CMSS1: variants seen among roughly 807,000 people sequenced by gnomAD.
The protein encoded by CMSS1 is cms1 ribosomal small subunit homolog.
A neutral mutation model predicts 43.5 loss-of-function variants in CMSS1; 33 were observed. That is an observed-to-expected ratio of 0.76 (90% confidence interval 0.57 to 1.01). The LOEUF (loss-of-function observed/expected upper bound fraction) is 1.01. Among genes scored for constraint, CMSS1 ranks in the 50% least tolerant of loss-of-function variants. CMSS1 has a pLI of 0.00. For synonymous variants in CMSS1, 115 were observed against 117.2 expected, an observed-to-expected ratio of 0.98 and a Z score of 0.12; for missense variants, 313 against 326.4, an observed-to-expected ratio of 0.96 and a Z score of 0.32.
chr3:100,024,714 C>A (rs1383802016), intron 1 of CMSS1, among the ~76,000 whole-genome samples: 1 of 152,166 alleles, frequency 6.6e-6, no homozygotes, highest in South Asian at 2.1e-4. Flanking sequence ...CATGTGTGGG[C>A]TCAGTCCTGG....
At position 99,850,024 on chromosome 3, in the gene CMSS1, G is replaced by A. The variant is rs769101256; in HGVS notation, c.64+31981G>A. 27 of 1,607,980 alleles carry A rather than the reference G, an allele frequency of 1.7e-5. No homozygotes were observed. In the Admixed American group the frequency reaches 3.6e-4, roughly 21 times the overall value. ...GCTGTACATCTTTTCTTCTACATCG[G>A]TTTTGGACTTGAGCGCCCTTTTAGT... On this transcript the variant is annotated intron_variant, in intron 1 of 9. Transcript: ENST00000421999.
At chr3:100,174,335 A>AT (rs2067132202) in intron 8 of CMSS1, among the ~76,000 whole-genome samples, 2 of 151,982 alleles carry the variant, frequency 1.3e-5, no homozygotes, top group South Asian at 4.1e-4. Flanking sequence ...TGGAATCCAG[A>AT]TTTTTTTGTG....
intron 6 of CMSS1, among the ~76,000 whole-genome samples, chr3:100,170,512 A>T (rs1375077384): frequency 6.6e-6 from 1 of 152,234 alleles, no homozygotes; most frequent in Non-Finnish European, 1.5e-5. Context: ...TCTGTTGGGA[A>T]ACATTATCAG....
intron 1 of CMSS1, among the ~76,000 whole-genome samples, chr3:100,056,877 G>T (rs182302727): frequency 1.1e-4 from 16 of 151,994 alleles, no homozygotes; most frequent in African/African-American, 3.9e-4. Context: ...GATGGCAGGC[G>T]CCTGTAGTCC....
chr3:99,883,413 C>A (rs1257065520), intron 1 of CMSS1, among the ~76,000 whole-genome samples: 2 of 152,188 alleles, frequency 1.3e-5, no homozygotes, highest in East Asian at 1.9e-4. Flanking sequence ...TCTTTTCACA[C>A]CCTGTGTCCA....
chr3:100,054,480 A>ATGTTATGTTT (rs1441683387), intron 1 of CMSS1, among the ~76,000 whole-genome samples: 1 of 140,186 alleles, frequency 7.1e-6, no homozygotes, highest in Non-Finnish European at 1.6e-5. Flanking sequence ...TCATTATATT[A>ATGTTATGTTT]TGTTATGTTT....
At chr3:99,931,808 A>G (rs1707490676) in intron 1 of CMSS1, among the ~76,000 whole-genome samples, 1 of 152,252 alleles carries the variant, frequency 6.6e-6, no homozygotes, top group African/African-American at 2.4e-5. Context: ...ACATCTGATT[A>G]TATAATCATC....
intron 1 of CMSS1, among the ~76,000 whole-genome samples, chr3:99,908,874 G>T (rs1038201849): frequency 2.0e-5 from 3 of 150,802 alleles, no homozygotes; most frequent in Admixed American, 6.6e-5. Flanking sequence ...AATTCCTATT[G>T]TGTGTGTGTG....
At position 99,859,051 on chromosome 3, in the gene CMSS1, A is replaced by G. The variant is rs1440902896; in HGVS notation, c.64+41008A>G. Among the ~76,000 whole-genome samples, 3 of 152,250 alleles carry G rather than the reference A, an allele frequency of 2.0e-5. No individual in the cohort carries two copies. The East Asian group carries it at 5.8e-4, about 29-fold the overall frequency. On this transcript the variant is annotated intron_variant, in intron 1 of 9. Transcript: ENST00000421999. ...TCAAATGTTCTCTCCCAGTCCACAG[A>G]AAAGTCCTAAATGACAAAACTGTTT...
At chr3:99,899,199 T>G (rs1706357071) in intron 1 of CMSS1, among the ~76,000 whole-genome samples, 1 of 152,242 alleles carries the variant, frequency 6.6e-6, no homozygotes, top group Non-Finnish European at 1.5e-5. Context: ...TTTCTGATGT[T>G]CGTTGATCTT....
Position 99,932,862 on chromosome 3 carries a change from C to A in CMSS1, c.64+114819C>A, listed in dbSNP as rs550825431. 1.1e-4 allele frequency among the ~76,000 whole-genome samples: 17 copies of A among 152,266 alleles called. No homozygotes were observed. The South Asian group carries it at 3.5e-3, about 32-fold the overall frequency. On this transcript the variant is annotated intron_variant, in intron 1 of 9. Transcript: ENST00000421999. Reference sequence around the variant, plus strand: ...GCCAAGATCGCGCCCGGCACTCCAGCCTGGGTGACAGAGTAAGACTCTGTC... The same window carrying A: ...GCCAAGATCGCGCCCGGCACTCCAGACTGGGTGACAGAGTAAGACTCTGTC...
chr3:99,980,262 TA>T (rs1469957236), intron 1 of CMSS1, among the ~76,000 whole-genome samples: 1 of 152,160 alleles, frequency 6.6e-6, no homozygotes, highest in African/African-American at 2.4e-5. Context: ...CTGGATCTAC[TA>T]ATCTTACCTC....
At chr3:99,927,297 G>A (rs1210376195) in intron 1 of CMSS1, among the ~76,000 whole-genome samples, 1 of 151,960 alleles carries the variant, frequency 6.6e-6, no homozygotes, top group East Asian at 1.9e-4. Context: ...ATTTGCCCTA[G>A]GTTATGCTAA....
At chr3:100,037,956 T>TTTTG (rs1491209575) in intron 1 of CMSS1, among the ~76,000 whole-genome samples, 1,775 of 86,814 alleles carry the variant, frequency 0.02, 36 homozygotes, top group East Asian at 0.14. Flanking sequence ...TTTTTTTTTT[T>TTTTG]GGGGGGGGAG....
rs549567934 is a variant in CMSS1, at chr3:100,002,089, G to A, written c.65-144884G>A. On this transcript the variant is annotated intron_variant, in intron 1 of 9. Coordinates refer to ENST00000421999, the MANE Select transcript of CMSS1 (RefSeq NM_032359.4). The stretch of plus-strand genomic sequence containing the variant: ...AGCTCTGGAAAAGCGCGGTGCCACT[G>A]CAAGTGGAAAACATGCCCAAAGCTC... Among the ~76,000 whole-genome samples the A allele has an allele frequency of 4.6e-5, 7 of 152,292 alleles. No individual in the cohort carries two copies. In the East Asian group the frequency reaches 1.4e-3, roughly 29 times the overall value.
intron 1 of CMSS1, among the ~76,000 whole-genome samples, chr3:99,939,514 C>T (rs934650227): frequency 6.6e-6 from 1 of 152,188 alleles, no homozygotes; most frequent in Admixed American, 6.5e-5. Context: ...CCCTTCAGCC[C>T]AGGGTCTTTC....
intron 1 of CMSS1, among the ~76,000 whole-genome samples, chr3:99,824,660 A>G (rs1488515806): frequency 1.3e-5 from 2 of 152,254 alleles, no homozygotes; most frequent in Non-Finnish European, 2.9e-5. Context: ...CAGGCTTTTG[A>G]CAGATTTGGC....
Position 100,146,722 on chromosome 3 carries a change from A to C in CMSS1, c.65-251A>C, listed in dbSNP as rs191686248. On this transcript the variant is annotated intron_variant, in intron 1 of 9. Coordinates refer to ENST00000421999, the MANE Select transcript of CMSS1 (RefSeq NM_032359.4). ...AGGCTGTAAAACGTCCTCTTGTATG[A>C]GTGTTCTGTGACAAAACATTCCCTC... Among the ~76,000 whole-genome samples, 25 of 152,332 alleles carry C rather than the reference A, an allele frequency of 1.6e-4. No individual in the cohort carries two copies. In the East Asian group the frequency reaches 4.2e-3, roughly 26 times the overall value.
intron 1 of CMSS1, among the ~76,000 whole-genome samples, chr3:99,912,311 A>G (rs1706815824): frequency 6.6e-6 from 1 of 152,228 alleles, no homozygotes; most frequent in African/African-American, 2.4e-5. Context: ...ATAGAGACAG[A>G]AAGGAGATCA....
Sources: gnomAD v4.1 joint callset for allele counts (sites outside exome capture counted in the v4.1 genomes callset) on GRCh38, gnomAD v4.1.1 for gene constraint, MANE v1.5 for transcripts, NCBI Gene and HGNC (gene_info 2026-07-23, HGNC 2026-07-21) for gene names.